CEP128: variants seen among roughly 807,000 people sequenced by gnomAD.
CEP128 encodes the protein centrosomal protein 128kDa.
Under a neutral mutation model 156.7 loss-of-function variants are expected in CEP128, and 132 were observed. The ratio of observed to expected loss-of-function variants is 0.84; its 90% CI spans 0.73 to 0.97. CEP128 has a LOEUF of 0.97. Among genes scored for constraint, CEP128 ranks in the 50% least tolerant of loss-of-function variants. The probability of loss-of-function intolerance (pLI) is 0.00; values close to 1 mark genes in which losing one functional copy is unlikely to be tolerated. For synonymous variants in CEP128, 469 were observed against 448.9 expected, an observed-to-expected ratio of 1.04 and a Z score of -0.57; for missense variants, 1,252 against 1,281.9, an observed-to-expected ratio of 0.98 and a Z score of 0.36.
downstream of CEP128, among the ~76,000 whole-genome samples, chr14:80,492,389 C>G (rs1887353991): frequency 6.6e-6 from 1 of 152,128 alleles, no homozygotes; most frequent in South Asian, 2.1e-4. Context: ...ATTAATCTCA[C>G]TAACTCCGCT....
chr14:80,870,220 G>A (rs1407608660), intron 8 of CEP128, among the ~76,000 whole-genome samples: 1 of 152,000 alleles, frequency 6.6e-6, no homozygotes, highest in Non-Finnish European at 1.5e-5. Context: ...AAAAACTGAA[G>A]ATAAGAGAAC....
At chr14:80,783,659 G>T (rs1294677712) in intron 15 of CEP128, among the ~76,000 whole-genome samples, 1 of 152,134 alleles carries the variant, frequency 6.6e-6, no homozygotes, top group Non-Finnish European at 1.5e-5. Context: ...AACTCTAAAA[G>T]ATTACTATTC....
chr14:80,665,680 G>A lies in CEP128; in HGVS notation c.2806+77395C>T, dbSNP rs538994331. On this transcript the variant is annotated intron_variant, in intron 19 of 24. Coordinates refer to ENST00000555265, the MANE Select transcript of CEP128 (RefSeq NM_152446.5). The stretch of plus-strand genomic sequence containing the variant: ...ACTGCTCTTTATTCCCTAATCTCTC[G>A]GGGAGAAATTTATAGAGACAGGCAG... Among the ~76,000 whole-genome samples the A allele has an allele frequency of 1.5e-4, 23 of 151,988 alleles. 1 individual carries two copies. The highest frequency in any genetic ancestry group is 4.1e-4 in the African/African-American group (17 of 41,446).
chr14:80,612,566 T>C (rs1453856362), intron 19 of CEP128, among the ~76,000 whole-genome samples: 2 of 152,226 alleles, frequency 1.3e-5, no homozygotes, highest in African/African-American at 4.8e-5. Flanking sequence ...AATCACATTA[T>C]TTGAGAGTAC....
chr14:80,735,394 G>A (rs546232819), intron 19 of CEP128, among the ~76,000 whole-genome samples: 6 of 152,000 alleles, frequency 3.9e-5, no homozygotes, highest in Non-Finnish European at 5.9e-5. Context: ...AAAATACCAC[G>A]TTTCGCACAT....
chr14:80,797,408 T>C (rs1883553918), intron 13 of CEP128, among the ~76,000 whole-genome samples: 1 of 152,208 alleles, frequency 6.6e-6, no homozygotes, highest in South Asian at 2.1e-4. Context: ...ATTGTGGTTT[T>C]CACTACTCAA....
At chr14:80,624,868 A>G (rs1221499456) in intron 19 of CEP128, among the ~76,000 whole-genome samples, 1 of 152,074 alleles carries the variant, frequency 6.6e-6, no homozygotes, top group Non-Finnish European at 1.5e-5. Flanking sequence ...TCCACAGATT[A>G]TGTCTTCACT....
intron 19 of CEP128, among the ~76,000 whole-genome samples, chr14:80,675,758 T>A (rs1435721124): frequency 6.6e-6 from 1 of 152,134 alleles, no homozygotes; most frequent in Non-Finnish European, 1.5e-5. Context: ...AATCTTTCCA[T>A]GAGTGAGGCA....
At chr14:80,941,432 G>A (rs1361218426) in intron 1 of CEP128, 149 bp downstream of exon 1, 1 of 152,318 alleles carries the variant, frequency 6.6e-6, no homozygotes, top group African/African-American at 2.4e-5. Context: ...CCTCACCTCT[G>A]CACACACTCC....
chr14:80,838,331 T>A, intron 10 of CEP128, 53 bp from the exon 11 acceptor site: 2 of 1,262,884 alleles, frequency 1.6e-6, no homozygotes, highest in Non-Finnish European at 2.3e-6. Context: ...AGAAGATAAC[T>A]AAATTATTAT....
chr14:80,804,333 T>C (rs140840492), intron 13 of CEP128, among the ~76,000 whole-genome samples: 2 of 152,264 alleles, frequency 1.3e-5, no homozygotes, highest in East Asian at 1.9e-4. Flanking sequence ...ATTGCCTAAA[T>C]GTATCAAAAT....
At chr14:80,577,613 C>A (rs1319643221) in intron 20 of CEP128, among the ~76,000 whole-genome samples, 1 of 152,136 alleles carries the variant, frequency 6.6e-6, no homozygotes, top group Non-Finnish European at 1.5e-5. Context: ...TCATCTCTTG[C>A]CGAGAGTCTC....
chr14:80,799,981 G>A (rs1237398889), intron 13 of CEP128, among the ~76,000 whole-genome samples: 1 of 152,070 alleles, frequency 6.6e-6, no homozygotes. Flanking sequence ...TGTGATCTTT[G>A]TTAGACCCTT....
intron 13 of CEP128, among the ~76,000 whole-genome samples, chr14:80,828,859 A>G (rs1025389369): frequency 1.3e-5 from 2 of 152,292 alleles, no homozygotes; most frequent in East Asian, 3.9e-4. Flanking sequence ...TTTTTTATTC[A>G]TATTTGGTCT....
intron 24 of CEP128, among the ~76,000 whole-genome samples, chr14:80,500,700 A>C (rs1425054628): frequency 6.6e-6 from 1 of 152,022 alleles, no homozygotes; most frequent in Non-Finnish European, 1.5e-5. Flanking sequence ...TTCTGTATTT[A>C]TTTCATTTTT....
chr14:80,857,201 A>T (rs1224116234), intron 9 of CEP128, among the ~76,000 whole-genome samples: 1 of 147,674 alleles, frequency 6.8e-6, no homozygotes, highest in African/African-American at 2.5e-5. Context: ...AACCTGCAAA[A>T]AAAGTGGTTT....
chr14:80,885,489 T>C (rs1566692728), intron 8 of CEP128, among the ~76,000 whole-genome samples: 1 of 152,000 alleles, frequency 6.6e-6, no homozygotes, highest in Non-Finnish European at 1.5e-5. Flanking sequence ...GCAAATAGGG[T>C]CTAGAGTGGA....
At chr14:80,486,423 G>C (rs867867450), downstream of CEP128, among the ~76,000 whole-genome samples, 3 of 152,026 alleles carry the variant, frequency 2.0e-5, no homozygotes, top group Non-Finnish European at 4.4e-5. Flanking sequence ...AGGGAGAATG[G>C]AACCAAGTTG....
chr14:80,693,067 T>C (rs750099979), intron 19 of CEP128, among the ~76,000 whole-genome samples: 10 of 152,222 alleles, frequency 6.6e-5, no homozygotes, highest in Non-Finnish European at 1.3e-4. Context: ...CAAATGCTAC[T>C]GGCCCATGGA....
Sources: allele counts gnomAD v4.1 joint callset (sites outside exome capture counted in the v4.1 genomes callset), GRCh38; gene constraint gnomAD v4.1.1; transcripts MANE v1.5; gene names NCBI Gene and HGNC (gene_info 2026-07-23, HGNC 2026-07-21).